The following PRKAG2 variants were observed in gnomAD, a reference collection of about 807,000 sequenced individuals.
PRKAG2 encodes protein kinase AMP-activated non-catalytic subunit gamma 2, also known as 5'-AMP-activated protein kinase subunit gamma-2.
In PRKAG2, 26 loss-of-function variants were observed where a neutral mutation model predicts 69.6. That is an observed-to-expected ratio of 0.37 (90% CI 0.27 to 0.52). The LOEUF (loss-of-function observed/expected upper bound fraction) is 0.52, where lower values mean the gene tolerates loss of function less well. PRKAG2 is among the 20% of genes least tolerant of loss of function. The pLI is 0.90. For synonymous variants in PRKAG2, 293 were observed against 285.0 expected, an observed-to-expected ratio of 1.03 and a Z score of -0.28; for missense variants, 557 against 740.0, an observed-to-expected ratio of 0.75 and a Z score of 2.87.
chr7:151,698,601 T>A (rs1006597370), intron 3 of PRKAG2, among the ~76,000 whole-genome samples: 8 of 151,938 alleles, frequency 5.3e-5, no homozygotes, highest in Non-Finnish European at 1.0e-4. Context: ...ACACCTCAGC[T>A]CCCCCTTTGC....
intron 3 of PRKAG2, among the ~76,000 whole-genome samples, chr7:151,681,005 A>C (rs968389392): frequency 6.6e-6 from 1 of 152,230 alleles, no homozygotes; most frequent in Admixed American, 6.5e-5. Context: ...TCATCTTTCA[A>C]GTAAACAGTT....
At chr7:151,565,557 C>G (rs1192156668) in intron 12 of PRKAG2, among the ~76,000 whole-genome samples, 163 bp downstream of exon 12, 1 of 151,896 alleles carries the variant, frequency 6.6e-6, no homozygotes, top group African/African-American at 2.4e-5. Context: ...GAAAATAAAC[C>G]AATTAAACTT....
chr7:151,818,158 G>A (rs1166900949), intron 1 of PRKAG2, among the ~76,000 whole-genome samples: 1 of 152,186 alleles, frequency 6.6e-6, no homozygotes, highest in East Asian at 1.9e-4. Context: ...TACATAACAA[G>A]TCAAAACAGT....
At chr7:151,568,874 G>A (rs774645158) in intron 10 of PRKAG2, 32 bp from the exon 11 acceptor site, 2 of 1,611,978 alleles carry the variant, frequency 1.2e-6, no homozygotes, top group Non-Finnish European at 1.7e-6. Context: ...TTGTTAGGAG[G>A]CTTTCGAGAA....
intron 3 of PRKAG2, among the ~76,000 whole-genome samples, chr7:151,768,446 C>A (rs538348590): frequency 2.0e-5 from 3 of 146,344 alleles, no homozygotes; most frequent in Admixed American, 7.0e-5. Flanking sequence ...TCTTCAAGAT[C>A]TCTCTTCCTA....
intron 3 of PRKAG2, among the ~76,000 whole-genome samples, chr7:151,732,253 C>T (rs1799070773): frequency 6.6e-6 from 1 of 151,080 alleles, no homozygotes; most frequent in Non-Finnish European, 1.5e-5. Context: ...ATCCTCCCAA[C>T]TCAGCCTTCC....
intron 3 of PRKAG2, among the ~76,000 whole-genome samples, chr7:151,735,624 T>G (rs138337426): frequency 6.6e-6 from 1 of 152,298 alleles, no homozygotes; most frequent in East Asian, 1.9e-4. Context: ...TTTGCATAAA[T>G]GAATGACAAT....
intron 6 of PRKAG2, among the ~76,000 whole-genome samples, chr7:151,590,447 G>A (rs972319307): frequency 6.6e-6 from 1 of 152,230 alleles, no homozygotes; most frequent in African/African-American, 2.4e-5. Context: ...GGAAGGAGTG[G>A]GACCCTGGCA....
At chr7:151,582,499 A>G (rs1039049919) in intron 6 of PRKAG2, among the ~76,000 whole-genome samples, 1 of 152,164 alleles carries the variant, frequency 6.6e-6, no homozygotes, top group African/African-American at 2.4e-5. Flanking sequence ...GCAGCAGTTC[A>G]ATGGCAAAGA....
chr7:151,809,336 C>G, intron 1 of PRKAG2: 1 of 448,658 alleles, frequency 2.2e-6, no homozygotes, highest in South Asian at 1.6e-5. Flanking sequence ...TCCAGAGACT[C>G]TCGCAGTCCA....
intron 1 of PRKAG2, among the ~76,000 whole-genome samples, chr7:151,854,306 AACACACGTGCACATGCACAC>A (rs2079651320): frequency 1.3e-5 from 2 of 152,190 alleles, no homozygotes; most frequent in Admixed American, 1.3e-4. Context: ...CACACACACG[AACACACGTGCACATGCACAC>A]ACACGTGTGC....
At position 151,557,051 on chromosome 7, in the gene PRKAG2, T is replaced by C; in HGVS notation, c.*150A>G. On this transcript the variant is annotated 3_prime_UTR_variant, in exon 16 of 16. Transcript: ENST00000287878. Reference sequence around the variant, plus strand: ...TTCAAGCACATAAAATCTTTCTTTTTTAAGCTTAATTTCAACATCACTGGA... The same window carrying C: ...TTCAAGCACATAAAATCTTTCTTTTCTAAGCTTAATTTCAACATCACTGGA... The C allele has an allele frequency of 7.5e-7, 1 of 1,335,414 alleles. No individual in the cohort carries two copies. The highest frequency in any genetic ancestry group is 1.1e-6 in the Non-Finnish European group (1 of 945,718). The allele number at this position is 1,335,414 out of a possible 1,614,324, so 82.7% of individuals were successfully genotyped here.
intron 4 of PRKAG2, among the ~76,000 whole-genome samples, chr7:151,650,757 A>T (rs146592994): frequency 2.7e-3 from 404 of 152,312 alleles, no homozygotes; most frequent in African/African-American, 9.4e-3. Context: ...ACTCCAGGGG[A>T]GAAGGCCAGT....
chr7:151,737,682 TG>T (rs1413454491), intron 3 of PRKAG2, among the ~76,000 whole-genome samples: 3 of 152,186 alleles, frequency 2.0e-5, no homozygotes, highest in African/African-American at 7.2e-5. Context: ...CAACTTGGGT[TG>T]GGCTGCTTTT....
intron 3 of PRKAG2, among the ~76,000 whole-genome samples, chr7:151,715,062 C>G (rs1280866813): frequency 6.8e-6 from 1 of 148,010 alleles, no homozygotes; most frequent in African/African-American, 2.5e-5. Context: ...GTTGCCCAGG[C>G]TGGAGTGCAC....
intron 4 of PRKAG2, among the ~76,000 whole-genome samples, chr7:151,644,104 G>A (rs1447951782): frequency 6.6e-6 from 1 of 152,082 alleles, no homozygotes; most frequent in Non-Finnish European, 1.5e-5. Context: ...CGGGGCAAGG[G>A]ATAAAAGACT....
chr7:151,623,652 T>C (rs1822106983), intron 5 of PRKAG2, among the ~76,000 whole-genome samples: 1 of 152,180 alleles, frequency 6.6e-6, no homozygotes, highest in Non-Finnish European at 1.5e-5. Context: ...CTAGGTACTA[T>C]TATTATTTCC....
At chr7:151,661,904 A>C (rs1186340082) in intron 4 of PRKAG2, among the ~76,000 whole-genome samples, 1 of 152,226 alleles carries the variant, frequency 6.6e-6, no homozygotes, top group East Asian at 1.9e-4. Context: ...CTCGCCAGCT[A>C]AAGTTAATGC....
At chr7:151,557,876 T>TAA (rs754256312) in intron 15 of PRKAG2, 295 of 803,216 alleles carry the variant, frequency 3.7e-4, no homozygotes, top group African/African-American at 7.5e-4. Context: ...CCGTCTCAAA[T>TAA]AAAAAAAAAA....
Sources: allele counts gnomAD v4.1 joint callset (sites outside exome capture counted in the v4.1 genomes callset), GRCh38; gene constraint gnomAD v4.1.1; transcripts MANE v1.5; gene names NCBI Gene and HGNC (gene_info 2026-07-23, HGNC 2026-07-21).